NLRP1: variants seen among roughly 807,000 people sequenced by gnomAD.
NLRP1 encodes the protein NLR family pyrin domain containing 1, also known as NACHT, LRR and PYD domains-containing protein 1.
A neutral mutation model predicts 136.7 loss-of-function variants in NLRP1; 94 were observed. The observed-to-expected ratio is 0.69, with a 90% confidence interval of 0.58 to 0.82. NLRP1 has a LOEUF of 0.82. Among genes scored for constraint, NLRP1 ranks in the 40% least tolerant of loss-of-function variants. The pLI is 0.00. For synonymous variants in NLRP1, 690 were observed against 725.1 expected, an observed-to-expected ratio of 0.95 and a Z score of 0.78; for missense variants, 1,575 against 1,802.7, an observed-to-expected ratio of 0.87 and a Z score of 2.29.
chr17:5,521,943 G>A (rs1300041746), intron 12 of NLRP1, among the ~76,000 whole-genome samples, 157 bp from the exon 13 acceptor site: 2 of 152,232 alleles, frequency 1.3e-5, no homozygotes, highest in African/African-American at 4.8e-5. Flanking sequence ...TCCTGCCTCA[G>A]CCTCCCGAGT....
downstream of NLRP1, chr17:5,512,680 G>A (rs902818652): frequency 5.9e-5 from 17 of 290,250 alleles, no homozygotes; most frequent in East Asian, 1.2e-4. Context: ...AGGGCCTGGC[G>A]CTTGATTTCA....
intron 8 of NLRP1, 26 bp from the exon 9 acceptor site, chr17:5,534,014 C>T: frequency 1.3e-6 from 2 of 1,529,878 alleles, no homozygotes; most frequent in South Asian, 1.1e-5. Flanking sequence ...TTCATTCTGC[C>T]TAAGATCTTG....
intron 14 of NLRP1, among the ~76,000 whole-genome samples, chr17:5,519,848 CTT>C (rs755028729): frequency 1.1e-5 from 1 of 90,266 alleles, no homozygotes; most frequent in African/African-American, 4.4e-5. Context: ...TAAATCAGGT[CTT>C]TTTTTTTTTT....
intron 14 of NLRP1, chr17:5,518,221 A>C: frequency 4.7e-6 from 1 of 211,380 alleles, no homozygotes; most frequent in Admixed American, 5.3e-5. Context: ...CCTAAACTCC[A>C]CCCACTGTCG....
At chr17:5,562,486 G>C (rs544664431) in intron 3 of NLRP1, among the ~76,000 whole-genome samples, 218 of 152,246 alleles carry the variant, frequency 1.4e-3, no homozygotes, top group African/African-American at 5.0e-3. Flanking sequence ...AGAAATGCAG[G>C]TGTGGAGCCA....
downstream of NLRP1, chr17:5,511,969 T>C (rs1907670914): frequency 1.3e-5 from 6 of 475,542 alleles, no homozygotes; most frequent in South Asian, 9.9e-5. Context: ...GGAGCCCAGC[T>C]GTAACTTGTG....
intron 5 of NLRP1, among the ~76,000 whole-genome samples, chr17:5,552,300 T>G (rs1221697217): frequency 6.6e-6 from 1 of 152,170 alleles, no homozygotes; most frequent in African/African-American, 2.4e-5. Context: ...ATTTATGAAC[T>G]CCTCAACTTT....
intron 9 of NLRP1, 113 bp downstream of exon 9, chr17:5,533,784 A>G: frequency 1.3e-6 from 1 of 742,626 alleles, no homozygotes; most frequent in Non-Finnish European, 2.3e-6. Context: ...CCTCTTGGGT[A>G]GGAAACCTGC....
chr17:5,546,487 C>T (rs1040738995), intron 5 of NLRP1, among the ~76,000 whole-genome samples: 2 of 152,158 alleles, frequency 1.3e-5, no homozygotes, highest in African/African-American at 2.4e-5. Flanking sequence ...TTGCTCTTTC[C>T]GGCATTCCTT....
At chr17:5,566,360 T>C (rs1915332564) in intron 3 of NLRP1, among the ~76,000 whole-genome samples, 1 of 152,076 alleles carries the variant, frequency 6.6e-6, no homozygotes, top group African/African-American at 2.4e-5. Context: ...TGTGTTTCCA[T>C]GATCATTTGT....
chr17:5,569,284 A>G (rs115798957), intron 3 of NLRP1, among the ~76,000 whole-genome samples: 3,355 of 152,268 alleles, frequency 0.022, 110 homozygotes, highest in African/African-American at 0.076. Flanking sequence ...ATATTAATCC[A>G]AATGTAAATG....
intron 3 of NLRP1, among the ~76,000 whole-genome samples, chr17:5,561,244 G>A (rs574676015): frequency 6.6e-6 from 1 of 152,128 alleles, no homozygotes; most frequent in South Asian, 2.1e-4. Flanking sequence ...TTGTAGAGAT[G>A]GGGTTTCACC....
chr17:5,536,940 C>G lies in NLRP1; in HGVS notation c.2871G>C (p.Gly957=), dbSNP rs774317269. ...RHPACKLIRL[G]LDQTTLSDEM... ...CATCACTCAGAGTTGTCTGGTCCAG[C>G]CTGAAAGCACAAAGGGAGCCGGGTC... The change falls in exon 8 of 17, where the codon GGG becomes GGC. Residue 957 remains glycine, a splice_region_variant and synonymous_variant. Coordinates refer to ENST00000572272, the MANE Select transcript of NLRP1 (RefSeq NM_033004.4). The G allele has an allele frequency of 3.1e-6, 5 of 1,611,260 alleles. No homozygotes were observed. Among genetic ancestry groups the G allele is most frequent in the Non-Finnish European group, 1.7e-6 (2 of 1,177,398 alleles).
At chr17:5,573,666 G>A (rs563820291) in intron 3 of NLRP1, among the ~76,000 whole-genome samples, 9 of 152,332 alleles carry the variant, frequency 5.9e-5, no homozygotes, top group African/African-American at 1.7e-4. Context: ...AGCAATATTC[G>A]CTGTTCTTCA....
rs1014161695 is a variant in NLRP1, at chr17:5,534,112, C to T, written c.2961-124G>A. ...TGCAGTGGCTCATGTCTGTAATCCT[C>T]GCACTTTGGGAGGCCGGGATGGGTG... On this transcript the variant is annotated intron_variant, in intron 8 of 16. Transcript: ENST00000572272. 21 of 764,694 alleles carry T rather than the reference C, an allele frequency of 2.7e-5. No homozygotes were observed. The East Asian group carries it at 3.0e-4, about 11-fold the overall frequency. The allele number at this position is 764,694 out of a possible 1,614,324, so 47.4% of individuals were successfully genotyped here.
chr17:5,511,870 CTCTCT>C (rs893793679), downstream of NLRP1, among the ~76,000 whole-genome samples: 1 of 147,122 alleles, frequency 6.8e-6, no homozygotes, highest in Admixed American at 6.9e-5. Flanking sequence ...TTTTCTTTCT[CTCTCT>C]TCTTTCTTCT....
At chr17:5,530,347 T>A (rs1380816127) in intron 12 of NLRP1, 134 bp downstream of exon 12, 1 of 691,228 alleles carries the variant, frequency 1.4e-6, no homozygotes, top group East Asian at 2.7e-5. Flanking sequence ...AAAATCTTAG[T>A]CCCCATCTCC....
At chr17:5,557,726 G>A (rs1225603627) in intron 4 of NLRP1, among the ~76,000 whole-genome samples, 6 of 152,344 alleles carry the variant, frequency 3.9e-5, no homozygotes, top group African/African-American at 1.4e-4. Context: ...GTACTGCCGG[G>A]CTGGAGAATG....
chr17:5,559,471 G>C lies in NLRP1; in HGVS notation c.1225C>G (p.Leu409Val). 3 of 1,614,190 alleles carry C rather than the reference G, an allele frequency of 1.9e-6. No homozygotes were observed. The highest frequency in any genetic ancestry group is 2.5e-6 in the Non-Finnish European group (3 of 1,180,016). Residue 409 changes from leucine to valine, a missense_variant, in exon 4 of 17, where the codon CTC (leucine) becomes GTC (valine). Coordinates refer to ENST00000572272, the MANE Select transcript of NLRP1 (RefSeq NM_033004.4). ...CATCCTGGCTCATCTACACCATCGA[G>C]GATGAAGAGCAGCCGCTCTGGCCTA... ...LSRPERLLFI[L>V]DGVDEPGWVL... is the part of the protein sequence containing the mutation.
Sources: gnomAD v4.1 joint callset for allele counts (sites outside exome capture counted in the v4.1 genomes callset) on GRCh38, gnomAD v4.1.1 for gene constraint, MANE v1.5 for transcripts, NCBI Gene and HGNC (gene_info 2026-07-23, HGNC 2026-07-21) for gene names.